Variants in WNK2 observed in about 807,000 individuals in gnomAD.
WNK2 encodes the protein WNK lysine deficient protein kinase 2, also known as serine/threonine-protein kinase WNK2.
In WNK2, 67 loss-of-function variants were observed where a neutral mutation model predicts 192.1. The observed-to-expected ratio is 0.35, with a 90% CI of 0.29 to 0.43. The LOEUF is 0.43. WNK2 is among the 20% of genes least tolerant of loss of function. The probability of loss-of-function intolerance (pLI) is 1.00; values close to 1 mark genes in which losing one functional copy is unlikely to be tolerated. For synonymous variants in WNK2, 1,439 were observed against 1,393.9 expected, an observed-to-expected ratio of 1.03 and a Z score of -0.72; for missense variants, 2,698 against 3,089.7, an observed-to-expected ratio of 0.87 and a Z score of 3.01.
chr9:93,308,683 C>G, intron 28 of WNK2, 99 bp downstream of exon 28: 1 of 1,386,338 alleles, frequency 7.2e-7, no homozygotes, highest in South Asian at 1.5e-5. Flanking sequence ...TCCAGTTAAG[C>G]TCTTCATTTT....
At chr9:93,270,546 T>C (rs1845863479) in intron 19 of WNK2, among the ~76,000 whole-genome samples, 1 of 152,182 alleles carries the variant, frequency 6.6e-6, no homozygotes, top group Admixed American at 6.5e-5. Context: ...GAGCTGGTGG[T>C]GAGTTGAATG....
chr9:93,253,112 C>T, intron 9 of WNK2, 30 bp downstream of exon 9: 10 of 811,986 alleles, frequency 1.2e-5, no homozygotes, highest in Non-Finnish European at 1.8e-5. Flanking sequence ...CCACCCCCTT[C>T]CCCATCCCCA....
Position 93,185,358 on chromosome 9 carries a change from C to T in WNK2, c.429C>T (p.Pro143=), listed in dbSNP as rs1395881969. 1 of 1,566,118 alleles carries T rather than the reference C, an allele frequency of 6.4e-7. No homozygotes were observed. The change falls in exon 2 of 30, where the codon CCC becomes CCT. Residue 143 remains proline (P), a synonymous_variant. Transcript: ENST00000427277. ...VETAPAPDGG[P]REEAAATVRK... is the part of the protein sequence containing the mutation. ...CCGCGCCTGCCCCCGACGGCGGCCC[C>T]AGGGAGGAGGCGGCGGCGACCGTGA...
At chr9:93,303,878 G>A (rs191626379) in intron 26 of WNK2, among the ~76,000 whole-genome samples, 4 of 152,346 alleles carry the variant, frequency 2.6e-5, no homozygotes, top group South Asian at 2.1e-4. Context: ...AAGGGGTTTT[G>A]TCCCTGGATG....
intron 10 of WNK2, 120 bp from the exon 11 acceptor site, chr9:93,256,822 GTGTGAA>G (rs1206168314): frequency 1.0e-5 from 9 of 869,446 alleles, no homozygotes; most frequent in Middle Eastern, 3.4e-4. Flanking sequence ...GTGCAGGCAT[GTGTGAA>G]TGTGAGCATG....
At chr9:93,289,761 G>C in intron 20 of WNK2, 141 bp downstream of exon 20, 1 of 977,228 alleles carries the variant, frequency 1.0e-6, no homozygotes, top group Non-Finnish European at 1.5e-6. Flanking sequence ...ACCCACCCAC[G>C]TGTGTTTGAC....
intron 29 of WNK2, chr9:93,318,971 G>A: frequency 6.8e-7 from 1 of 1,460,104 alleles, no homozygotes; most frequent in Non-Finnish European, 9.0e-7. Context: ...CATCAATTCA[G>A]TTAGAATTGA....
chr9:93,186,857 G>A (rs1367120418), intron 2 of WNK2, among the ~76,000 whole-genome samples: 20 of 152,268 alleles, frequency 1.3e-4, no homozygotes. Context: ...GGGGTCAGTG[G>A]CATTGTGTGA....
chr9:93,295,945 A>C (rs1236468106), intron 23 of WNK2, among the ~76,000 whole-genome samples: 25 of 39,028 alleles, frequency 6.4e-4, no homozygotes, highest in Admixed American at 1.0e-3. Context: ...TCCACCCTCA[A>C]CTCACTTTCC....
At chr9:93,302,738 CAG>C (rs1467188020) in intron 26 of WNK2, among the ~76,000 whole-genome samples, 3 of 152,110 alleles carry the variant, frequency 2.0e-5, no homozygotes, top group Non-Finnish European at 2.9e-5. Flanking sequence ...AGGTGCAGGA[CAG>C]GGAATAAAGC....
Position 93,247,636 on chromosome 9 carries a change from A to G in WNK2, c.1636A>G (p.Ile546Val). ...CTTGATCCAGTGGCGGCGGGAGAGG[A>G]TCTGGCCCGCGCTGCAGCCCAAGGA... The part of the protein sequence containing the change: ...VALIQWRRER[I>V]WPALQPKEQQ... Residue 546 changes from isoleucine to valine, a missense_variant, in exon 8 of 30, where the codon ATC (isoleucine) becomes GTC (valine). Around this residue, in one of 7 missense-constraint regions of WNK2, gnomAD observed 230 missense variants for 501.1 expected, o/e 0.46. Coordinates refer to ENST00000427277, the MANE Select transcript of WNK2 (RefSeq NM_006648.4). The surrounding 1 kb of genome is among the most constrained non-coding windows in gnomAD (Gnocchi z 5.2). 6.3e-7 allele frequency: 1 copy of G among 1,592,504 alleles called. No individual in the cohort carries two copies. The highest frequency in any genetic ancestry group is 8.5e-7 in the Non-Finnish European group (1 of 1,170,096).
chr9:93,198,545 G>A (rs1831708432), intron 2 of WNK2, among the ~76,000 whole-genome samples: 1 of 151,698 alleles, frequency 6.6e-6, no homozygotes, highest in Admixed American at 6.6e-5. Context: ...CCCGGGCATT[G>A]GGTTTCATGG....
At chr9:93,249,284 A>G (rs1842202607) in intron 8 of WNK2, among the ~76,000 whole-genome samples, 1 of 152,172 alleles carries the variant, frequency 6.6e-6, no homozygotes, top group South Asian at 2.1e-4. Flanking sequence ...ATATTTCTAT[A>G]TGTTTAGCTT....
In WNK2 at chr9:93,257,197, T is replaced by C. The variant is rs1843453407; in HGVS notation, c.2382+58T>C. ...GGCGCACGCTTTGCCAGGCCCTGGC[T>C]GGTGCACTAGGACACCCACAGAGGG... On this transcript the variant is annotated intron_variant, in intron 11 of 29. Transcript: ENST00000427277. The surrounding 1 kb of genome is among the most constrained non-coding windows in gnomAD (Gnocchi z 4.7). The C allele has an allele frequency of 1.9e-6, 3 of 1,546,054 alleles. No homozygotes were observed. The highest frequency in any genetic ancestry group is 4.0e-5 in the Admixed American group (2 of 49,538).
At chr9:93,193,003 G>C (rs1440194817) in intron 2 of WNK2, among the ~76,000 whole-genome samples, 2 of 152,222 alleles carry the variant, frequency 1.3e-5, no homozygotes, top group Non-Finnish European at 2.9e-5. Flanking sequence ...TGGAGCTTTA[G>C]GTCACCTCGT....
In WNK2 at chr9:93,239,287, G is replaced by A. The variant is rs894702552; in HGVS notation, c.1323-470G>A. Among the ~76,000 whole-genome samples the A allele has an allele frequency of 6.6e-6, 1 of 152,188 alleles. No individual in the cohort carries two copies. The highest frequency in any genetic ancestry group is 2.1e-4 in the South Asian group (1 of 4,834). On this transcript the variant is annotated intron_variant, in intron 6 of 29. Coordinates refer to ENST00000427277, the MANE Select transcript of WNK2 (RefSeq NM_006648.4). The surrounding 1 kb of genome is among the most constrained non-coding windows in gnomAD (Gnocchi z 4.2). ...CTGTCATCTGGCCAGCATCCTGAAG[G>A]AAGCCCCCTTGAAAAGGTCACTGCT...
chr9:93,263,417 TGG>T, intron 14 of WNK2, 147 bp from the exon 15 acceptor site: 1 of 878,298 alleles, frequency 1.1e-6, no homozygotes, highest in Non-Finnish European at 1.6e-6. Context: ...GAAGCAGGCT[TGG>T]GGTATTCGCA....
chr9:93,251,093 C>A (rs991618473), intron 8 of WNK2, among the ~76,000 whole-genome samples: 2 of 151,320 alleles, frequency 1.3e-5, no homozygotes, highest in Non-Finnish European at 2.9e-5. Flanking sequence ...GGCCCATATT[C>A]ACTTTATTTT....
intron 3 of WNK2, 41 bp from the exon 4 acceptor site, chr9:93,230,847 C>T (rs567574393): frequency 4.9e-5 from 77 of 1,581,484 alleles, no homozygotes; most frequent in Middle Eastern, 2.2e-4. Flanking sequence ...GGGCCGCTGC[C>T]GGCGAGCTGC....
Sources: gnomAD v4.1 joint callset for allele counts (sites outside exome capture counted in the v4.1 genomes callset) on GRCh38, gnomAD v4.1.1 for gene constraint, gnomAD v4.1.1 regional missense constraint, Gnocchi (gnomAD v3.1) non-coding constraint, MANE v1.5 for transcripts, NCBI Gene and HGNC (gene_info 2026-07-23, HGNC 2026-07-21) for gene names.